GRHL3: variants seen among roughly 807,000 people sequenced by gnomAD.
GRHL3 encodes the protein grainyhead-like protein 3 homolog.
In GRHL3, 20 loss-of-function variants were observed where a neutral mutation model predicts 70.3. The observed-to-expected ratio is 0.28, with a 90% confidence interval of 0.20 to 0.41. GRHL3 has a LOEUF of 0.41. Ranked by LOEUF, GRHL3 falls within the 10% of genes least tolerant of loss-of-function variation. GRHL3 has a pLI of 1.00. For synonymous variants in GRHL3, 299 were observed against 299.9 expected (o/e 1.00, Z 0.03); for missense variants, 637 against 762.3 (o/e 0.84, Z 1.94).
Position 24,322,855 on chromosome 1 carries a change from T to G in GRHL3, c.17+3287T>G, listed in dbSNP as rs1639253913. On this transcript the variant is annotated intron_variant, in intron 1 of 15. Coordinates refer to ENST00000361548, the MANE Select transcript of GRHL3 (RefSeq NM_198173.3). The surrounding 1 kb of genome is among the most constrained non-coding windows in gnomAD (Gnocchi z 4.4). ...AGTGCTTGATAAATACACGCTCTTC[T>G]TTAAACCCTCCCAACAAACTAATGC... Among the ~76,000 whole-genome samples, 1 of 152,236 alleles carries G rather than the reference T, an allele frequency of 6.6e-6. No homozygotes were observed. Among genetic ancestry groups the G allele is most frequent in the Non-Finnish European group, 1.5e-5 (1 of 68,038 alleles).
chr1:24,330,962 C>G, intron 1 of GRHL3, among the ~76,000 whole-genome samples: 1 of 152,226 alleles, frequency 6.6e-6, no homozygotes, highest in East Asian at 1.9e-4. Context: ...ACGCTTTCTC[C>G]CAGACTTGAA....
chr1:24,336,777 C>T lies in GRHL3; in HGVS notation c.562C>T (p.Pro188Ser). ...SLFESIHGVP[P>S]TQRWQPDSTF... ...GTTTGAGAGCATTCATGGGGTGCCG[C>T]CCACACAGCGCTGGCAGCCAGACAG... The change falls in exon 4 of 16, where the codon CCC becomes TCC. Residue 188 changes from proline to serine, a missense_variant. This residue lies in a region of GRHL3 where 250 missense variants were observed against 248.6 expected (regional missense o/e 1.01). Transcript: ENST00000361548. The T allele has an allele frequency of 6.2e-7, 1 of 1,613,152 alleles. No individual in the cohort carries two copies. Among genetic ancestry groups the T allele is most frequent in the Non-Finnish European group, 8.5e-7 (1 of 1,179,514 alleles).
chr1:24,357,015 A>G (rs946314800), downstream of GRHL3: 1 of 151,544 alleles, frequency 6.6e-6, no homozygotes, highest in Non-Finnish European at 1.5e-5. Flanking sequence ...AGCAAGATAA[A>G]TAAGTTTAAT....
At chr1:24,327,308 C>T (rs1008889129) in intron 1 of GRHL3, among the ~76,000 whole-genome samples, 1 of 152,120 alleles carries the variant, frequency 6.6e-6, no homozygotes, top group Non-Finnish European at 1.5e-5. Context: ...GTCTATCTTC[C>T]CCAATTAGAT....
At chr1:24,345,379 C>T (rs1640238375) in intron 12 of GRHL3, among the ~76,000 whole-genome samples, 1 of 149,776 alleles carries the variant, frequency 6.7e-6, no homozygotes, top group African/African-American at 2.5e-5. Flanking sequence ...TGCTTTTCTC[C>T]CTGTTCCTTG....
exon 16 of GRHL3, chr1:24,364,224 C>A (rs141931022): frequency 3.2e-6 from 5 of 1,544,578 alleles, no homozygotes; most frequent in South Asian, 1.2e-5. Flanking sequence ...CTCGCCACCC[C>A]CCACCTGACT....
At chr1:24,338,869 T>C (rs1639928009) in intron 7 of GRHL3, among the ~76,000 whole-genome samples, 1 of 152,248 alleles carries the variant, frequency 6.6e-6, no homozygotes, top group Admixed American at 6.5e-5. Context: ...TCTCTGAGCT[T>C]CGTTTTCCTC....
At chr1:24,330,421 G>A (rs914775392) in intron 1 of GRHL3, among the ~76,000 whole-genome samples, 1 of 152,088 alleles carries the variant, frequency 6.6e-6, no homozygotes, top group Non-Finnish European at 1.5e-5. Context: ...TCACTTACTG[G>A]GACCTTGGAC....
At chr1:24,340,258 G>T (rs1639986201) in intron 8 of GRHL3, among the ~76,000 whole-genome samples, 1 of 152,180 alleles carries the variant, frequency 6.6e-6, no homozygotes, top group Non-Finnish European at 1.5e-5. Flanking sequence ...CAGGAGAAAT[G>T]CGAAGGAGTC....
intron 5 of GRHL3, 39 bp downstream of exon 5, chr1:24,337,190 T>C: frequency 1.4e-6 from 2 of 1,471,822 alleles, no homozygotes; most frequent in Non-Finnish European, 1.9e-6. Flanking sequence ...ACCTGGGCAG[T>C]GGGCAGGAGG....
chr1:24,364,065 A>G (rs1348144351), intron 15 of GRHL3: 1 of 1,350,512 alleles, frequency 7.4e-7, no homozygotes, highest in African/African-American at 1.5e-5. Context: ...CCTTCCAGAA[A>G]CACCCAACAC....
chr1:24,341,703 G>A (rs898058917), intron 8 of GRHL3, among the ~76,000 whole-genome samples: 6 of 152,146 alleles, frequency 3.9e-5, no homozygotes, highest in East Asian at 1.9e-4. Context: ...CTGGGGACAG[G>A]GGACTCAGCC....
downstream of GRHL3, among the ~76,000 whole-genome samples, chr1:24,356,016 T>C (rs1640705467): frequency 6.6e-6 from 1 of 150,676 alleles, no homozygotes; most frequent in African/African-American, 2.4e-5. Flanking sequence ...TTCTCCTGCC[T>C]CAGCCTCCTG....
intron 8 of GRHL3, among the ~76,000 whole-genome samples, chr1:24,339,972 G>C (rs1384658483): frequency 6.6e-6 from 1 of 152,210 alleles, no homozygotes; most frequent in Non-Finnish European, 1.5e-5. Flanking sequence ...GGTCCAAAGT[G>C]TGACTTTGGA....
At chr1:24,360,995 G>C in intron 15 of GRHL3, 1 of 1,613,590 alleles carries the variant, frequency 6.2e-7, no homozygotes, top group Non-Finnish European at 8.5e-7. Context: ...GGTGGCTTCG[G>C]AGGCAGAGGC....
intron 2 of GRHL3, among the ~76,000 whole-genome samples, chr1:24,332,955 GTTTGAAT>G (rs1268150783): frequency 2.0e-5 from 3 of 152,208 alleles, no homozygotes; most frequent in African/African-American, 7.2e-5. Context: ...TGGAAGAGGA[GTTTGAAT>G]GGCTGCCTTG....
exon 16 of GRHL3, chr1:24,364,274 T>C: frequency 6.5e-7 from 1 of 1,548,910 alleles, no homozygotes; most frequent in South Asian, 1.2e-5. Flanking sequence ...GTGAGGAACA[T>C]GGGTTTTGGA....
At chr1:24,337,599 G>C (rs774935164) in intron 5 of GRHL3, 37 bp from the exon 6 acceptor site, 13 of 1,610,192 alleles carry the variant, frequency 8.1e-6, no homozygotes, top group East Asian at 6.7e-5. Context: ...TCCTGCCTGG[G>C]AGCCCAGCCT....
intron 15 of GRHL3, chr1:24,360,852 T>G (rs1033732518): frequency 1.2e-6 from 2 of 1,610,108 alleles, no homozygotes; most frequent in South Asian, 2.2e-5. Flanking sequence ...TCCTCTGACC[T>G]GGGCCAGGCA....
Sources: allele counts gnomAD v4.1 joint callset (sites outside exome capture counted in the v4.1 genomes callset), GRCh38; gene constraint gnomAD v4.1.1; regional missense constraint gnomAD v4.1.1; non-coding constraint Gnocchi (gnomAD v3.1); transcripts MANE v1.5; gene names NCBI Gene and HGNC (gene_info 2026-07-23, HGNC 2026-07-21).